ACSL4: variants seen among roughly 807,000 people sequenced by gnomAD.
ACSL4 encodes acyl-CoA synthetase long chain family member 4, also known as long-chain-fatty-acid--CoA ligase 4.
A neutral mutation model predicts 49.1 loss-of-function variants in ACSL4; 9 were observed. The ratio of observed to expected loss-of-function variants is 0.18; its 90% confidence interval spans 0.11 to 0.32. The LOEUF is 0.32. Ranked by LOEUF, ACSL4 falls within the 10% of genes least tolerant of loss-of-function variation. ACSL4 has a pLI of 1.00. For synonymous variants in ACSL4, 191 were observed against 170.3 expected (o/e 1.12, Z -0.95); for missense variants, 333 against 493.7 (o/e 0.67, Z 3.08).
Position 109,684,107 on chromosome X carries a change from AG to A in ACSL4, c.-12-733del, listed in dbSNP as rs1268857438. 4.7e-5 allele frequency among the ~76,000 whole-genome samples: 5 copies of A among 106,537 alleles called. No homozygotes were observed. In the East Asian group the frequency reaches 9.3e-4, roughly 20 times the overall value. The allele number at this position is 106,537 out of a possible 115,157, so 92.5% of individuals were successfully genotyped here. ...TAAATAGTGTTAGGTTTATATCCAA[AG>A]GGGGGGGTGGGGCAGAAACTATCAA... On this transcript the variant is annotated intron_variant, in intron 2 of 15. Coordinates refer to ENST00000672401, the MANE Select transcript of ACSL4 (RefSeq NM_001318510.2).
At chrX:109,645,278 C>G (rs1569412605) in intron 15 of ACSL4, among the ~76,000 whole-genome samples, 1 of 112,503 alleles carries the variant, frequency 8.9e-6, no homozygotes, top group East Asian at 2.8e-4. Flanking sequence ...CCCTGTCTGA[C>G]AGCTTTGAAG....
chrX:109,676,168 G>T lies in ACSL4; in HGVS notation c.931-1695C>A, dbSNP rs1434423943. ...TTGTTTTCCTAATCTAGACGGTGAT[G>T]ATCACAGAGGTCTATATGTGTATAT... On this transcript the variant is annotated intron_variant, in intron 8 of 15. Coordinates refer to ENST00000672401, the MANE Select transcript of ACSL4 (RefSeq NM_001318510.2). Among the ~76,000 whole-genome samples the T allele has an allele frequency of 2.8e-5, 3 of 108,683 alleles. No homozygotes were observed. The Admixed American group carries it at 3.0e-4, about 11-fold the overall frequency. 94.4% of individuals were successfully genotyped at this position (108,683 alleles called of 115,157 possible).
chrX:109,648,292 C>A (rs1469682687), intron 15 of ACSL4, among the ~76,000 whole-genome samples: 3 of 111,161 alleles, frequency 2.7e-5, no homozygotes, highest in Non-Finnish European at 3.8e-5. Context: ...ACTGGCAAAC[C>A]GAATCCAGCA....
At position 109,708,663 on chromosome X, in the gene ACSL4, G is replaced by A. The variant is rs143735086; in HGVS notation, c.-65-12467C>T. Reference sequence around the variant, plus strand: ...CTTTTGGTGTCCCTTATGTCAAAACGTGACTAACAAAAATTGACTGGTACA... The same window carrying A: ...CTTTTGGTGTCCCTTATGTCAAAACATGACTAACAAAAATTGACTGGTACA... On this transcript the variant is annotated intron_variant, in intron 1 of 15. Coordinates refer to ENST00000672401, the MANE Select transcript of ACSL4 (RefSeq NM_001318510.2). Among the ~76,000 whole-genome samples the A allele has an allele frequency of 1.1e-3, 121 of 111,937 alleles. 1 individual carries two copies. The highest frequency in any genetic ancestry group is 3.7e-3 in the African/African-American group (115 of 30,859).
chrX:109,683,349 T>C lies in ACSL4; in HGVS notation c.15A>G (p.Ile5Met), dbSNP rs1428279875. The C allele has an allele frequency of 8.3e-7, 1 of 1,210,498 alleles. No individual in the cohort carries two copies. The highest frequency in any genetic ancestry group is 1.1e-6 in the Non-Finnish European group (1 of 895,405). MAKR[I>M]KAKPTSDKPG... is the part of the protein sequence containing the mutation. Reference sequence around the variant, plus strand: ...GTTTGTCTGAAGTGGGCTTAGCTTTTATTCTCTTTGCCATAGCGTTTTTCT... The same window carrying C: ...GTTTGTCTGAAGTGGGCTTAGCTTTCATTCTCTTTGCCATAGCGTTTTTCT... Residue 5 changes from isoleucine to methionine, a missense_variant, in exon 3 of 16, where the codon ATA (isoleucine) becomes ATG (methionine). Ile to Met is a conservative substitution (Grantham distance 10). This residue lies in a region of ACSL4 where 157 missense variants were observed against 201.1 expected (regional missense o/e 0.78). Coordinates refer to ENST00000672401, the MANE Select transcript of ACSL4 (RefSeq NM_001318510.2).
At chrX:109,680,858 G>T in intron 6 of ACSL4, 140 bp downstream of exon 6, 1 of 606,553 alleles carries the variant, frequency 1.6e-6, no homozygotes, top group Non-Finnish European at 2.6e-6. Flanking sequence ...ATATGGTCTT[G>T]ATGGTTTTTA....
At chrX:109,688,432 C>A (rs757213207) in intron 2 of ACSL4, among the ~76,000 whole-genome samples, 7 of 112,094 alleles carry the variant, frequency 6.2e-5, no homozygotes, top group Non-Finnish European at 1.3e-4. Context: ...AGCATCATAA[C>A]CAGCTGTTAT....
At chrX:109,670,097 T>G (rs1255881135) in intron 9 of ACSL4, among the ~76,000 whole-genome samples, 1 of 112,412 alleles carries the variant, frequency 8.9e-6, no homozygotes, top group Non-Finnish European at 1.9e-5. Flanking sequence ...TAAATGATGT[T>G]TTCTTGAAAT....
At chrX:109,660,308 A>G (rs181419998) in intron 14 of ACSL4, among the ~76,000 whole-genome samples, 213 of 112,066 alleles carry the variant, frequency 1.9e-3, no homozygotes, top group African/African-American at 6.5e-3. Context: ...CAGCGATAAT[A>G]TATGAATGGC....
chrX:109,695,997 A>G, intron 2 of ACSL4, 147 bp downstream of exon 2: 1 of 112,298 alleles, frequency 8.9e-6, no homozygotes, highest in Non-Finnish European at 1.9e-5. Flanking sequence ...TGCTCTATAA[A>G]ATACTGCCTT....
chrX:109,656,774 T>A (rs944092949), intron 15 of ACSL4, among the ~76,000 whole-genome samples: 1 of 108,999 alleles, frequency 9.2e-6, no homozygotes, highest in East Asian at 2.8e-4. Context: ...GCCACCCACA[T>A]GGAATCCCTC....
chrX:109,680,831 G>A (rs1924104976), intron 6 of ACSL4, among the ~76,000 whole-genome samples, 167 bp downstream of exon 6: 1 of 111,952 alleles, frequency 8.9e-6, no homozygotes, highest in Non-Finnish European at 1.9e-5. Flanking sequence ...GAGAAATGGA[G>A]GGAAAATCTT....
intron 2 of ACSL4, 46 bp from the exon 3 acceptor site, chrX:109,683,421 G>A: frequency 8.3e-6 from 10 of 1,211,145 alleles, no homozygotes; most frequent in Non-Finnish European, 1.0e-5. Context: ...TAAGGGCACT[G>A]TATATTGTTA....
intron 2 of ACSL4, among the ~76,000 whole-genome samples, chrX:109,689,127 C>T (rs781352202): frequency 9.0e-6 from 1 of 111,364 alleles, no homozygotes; most frequent in South Asian, 3.7e-4. Context: ...GACCAAAAAC[C>T]TTAGATTCAC....
chrX:109,704,940 T>TCACA lies in ACSL4; in HGVS notation c.-65-8748_-65-8745dup, dbSNP rs57647601. On this transcript the variant is annotated intron_variant, in intron 1 of 15. Coordinates refer to ENST00000672401, the MANE Select transcript of ACSL4 (RefSeq NM_001318510.2). The stretch of plus-strand genomic sequence containing the variant: ...TTAAGTGTTTTCATCTCTCTCTCTC[T>TCACA]CACACACACACACACACACACAAAT... 1.3e-3 allele frequency among the ~76,000 whole-genome samples: 135 copies of TCACA among 106,799 alleles called. 1 individual carries two copies. In the East Asian group the frequency reaches 0.019, roughly 15 times the overall value. 92.7% of individuals were successfully genotyped at this position (106,799 alleles called of 115,157 possible).
At chrX:109,672,305 G>C (rs1923332559) in intron 9 of ACSL4, among the ~76,000 whole-genome samples, 1 of 109,291 alleles carries the variant, frequency 9.1e-6, no homozygotes, top group South Asian at 4.0e-4. Context: ...GAGGGGAGAG[G>C]GGGCAGGGGC....
At chrX:109,658,299 G>A (rs1369943652) in intron 15 of ACSL4, among the ~76,000 whole-genome samples, 2 of 110,712 alleles carry the variant, frequency 1.8e-5, no homozygotes, top group South Asian at 3.8e-4. Flanking sequence ...CCTGCTTCAC[G>A]CCCTCATTAC....
intron 2 of ACSL4, among the ~76,000 whole-genome samples, chrX:109,690,762 G>C (rs1016412883): frequency 9.9e-6 from 1 of 101,185 alleles, no homozygotes; most frequent in African/African-American, 3.5e-5. Flanking sequence ...CATTTTAGGG[G>C]GGGGGGGCCT....
chrX:109,663,501 T>G lies in ACSL4; in HGVS notation c.1391-99A>C, dbSNP rs889454778. 1.2e-5 allele frequency: 9 copies of G among 729,997 alleles called. No individual in the cohort carries two copies. In the Admixed American group the frequency reaches 2.2e-4, roughly 18 times the overall value. 60.2% of individuals were successfully genotyped at this position (729,997 alleles called of 1,213,427 possible). A position where few individuals can be genotyped will look rare whatever the true frequency, so the allele number is the denominator to read the frequency against. On this transcript the variant is annotated intron_variant, in intron 12 of 15. Coordinates refer to ENST00000672401, the MANE Select transcript of ACSL4 (RefSeq NM_001318510.2). Reference sequence around the variant, plus strand: ...TAGTATTTTTCTGCTGATCAGATTTTATATCACTTTATGAGAGAACATTAG... The same window carrying G: ...TAGTATTTTTCTGCTGATCAGATTTGATATCACTTTATGAGAGAACATTAG...
Sources: gnomAD v4.1 joint callset for allele counts (sites outside exome capture counted in the v4.1 genomes callset) on GRCh38, gnomAD v4.1.1 for gene constraint, gnomAD v4.1.1 regional missense constraint, MANE v1.5 for transcripts, NCBI Gene and HGNC (gene_info 2026-07-23, HGNC 2026-07-21) for gene names.